Variants in MYO18B observed in about 807,000 individuals in gnomAD.
MYO18B encodes myosin XVIIIB.
Under a neutral mutation model 273.0 loss-of-function variants are expected in MYO18B, and 204 were observed. The observed-to-expected ratio is 0.75, with a 90% CI of 0.67 to 0.84. MYO18B has a LOEUF of 0.84. Among genes scored for constraint, MYO18B ranks in the 40% least tolerant of loss-of-function variants. The probability of loss-of-function intolerance (pLI) is 0.00; values close to 1 mark genes in which losing one functional copy is unlikely to be tolerated. For synonymous variants in MYO18B, 1,330 were observed against 1,305.7 expected, an observed-to-expected ratio of 1.02 and a Z score of -0.40; for missense variants, 3,212 against 3,287.6, an observed-to-expected ratio of 0.98 and a Z score of 0.56.
chr22:25,768,083 C>T, intron 3 of MYO18B, 32 bp from the exon 4 acceptor site: 10 of 1,526,070 alleles, frequency 6.6e-6, no homozygotes, highest in Non-Finnish European at 8.9e-6. Context: ...CAGCAAGCAG[C>T]TATGTAGGCA....
At chr22:26,042,739 A>G in the MYO18B span, among the ~76,000 whole-genome samples, 1 of 152,196 alleles carries the variant, frequency 6.6e-6, no homozygotes, top group Non-Finnish European at 1.5e-5. Flanking sequence ...TCATTCATTT[A>G]TGAATTCACT....
intron 15 of MYO18B, among the ~76,000 whole-genome samples, chr22:25,832,411 A>G (rs2089741416): frequency 6.6e-6 from 1 of 152,210 alleles, no homozygotes; most frequent in Non-Finnish European, 1.5e-5. Flanking sequence ...ATTACGAGAT[A>G]CGCACTTACT....
intron 17 of MYO18B, among the ~76,000 whole-genome samples, chr22:25,841,081 C>T (rs2090068822): frequency 1.3e-5 from 2 of 152,342 alleles, no homozygotes; most frequent in African/African-American, 4.8e-5. Flanking sequence ...CATTTCCTTA[C>T]CTCAGGTACA....
chr22:25,952,316 C>G lies in MYO18B; in HGVS notation c.5863C>G (p.Leu1955Val). ...LQVAQMRIEY[L>V]EQSTVDRAIV... ...GGTGGCTCAGATGCGCATCGAGTAC[C>G]TGGAACAGTCCACCGTGGATCGAGC... Residue 1955 changes from leucine (L) to valine (V), a missense_variant, in exon 38 of 44, where the codon CTG (leucine) becomes GTG (valine). Coordinates refer to ENST00000335473, the MANE Select transcript of MYO18B (RefSeq NM_032608.7). The G allele has an allele frequency of 6.2e-7, 1 of 1,611,364 alleles. No homozygotes were observed. The highest frequency in any genetic ancestry group is 8.5e-7 in the Non-Finnish European group (1 of 1,178,900).
intron 34 of MYO18B, among the ~76,000 whole-genome samples, chr22:25,942,652 AG>A (rs1339552980): frequency 6.6e-6 from 1 of 152,172 alleles, no homozygotes; most frequent in Non-Finnish European, 1.5e-5. Flanking sequence ...CTTTATCAAA[AG>A]GTCCTAATGG....
chr22:25,786,114 C>A (rs963766920), intron 11 of MYO18B, among the ~76,000 whole-genome samples: 1 of 152,290 alleles, frequency 6.6e-6, no homozygotes, highest in South Asian at 2.1e-4. Flanking sequence ...TCCCTTCTCT[C>A]GCAAATACCT....
intron 12 of MYO18B, among the ~76,000 whole-genome samples, chr22:25,805,868 C>T (rs1037698065): frequency 3.3e-5 from 5 of 152,176 alleles, no homozygotes; most frequent in Admixed American, 1.3e-4. Flanking sequence ...GCTCTTGATT[C>T]GAAAGTCACT....
At chr22:25,820,696 A>G (rs1236819402) in intron 12 of MYO18B, among the ~76,000 whole-genome samples, 1 of 152,108 alleles carries the variant, frequency 6.6e-6, no homozygotes, top group Non-Finnish European at 1.5e-5. Context: ...TCCTCCTTCT[A>G]GCTATTTGAA....
intron 3 of MYO18B, among the ~76,000 whole-genome samples, chr22:25,764,933 CAG>C (rs133895): frequency 0.24 from 37,023 of 151,988 alleles, 4,766 homozygotes; most frequent in African/African-American, 0.32. Context: ...CAGATAGAGG[CAG>C]AGCGAGGGGG....
intron 25 of MYO18B, among the ~76,000 whole-genome samples, chr22:25,879,003 A>G (rs997078238): frequency 6.6e-6 from 1 of 152,278 alleles, no homozygotes; most frequent in African/African-American, 2.4e-5. Context: ...GCTTATTAAC[A>G]GAACAGTAGG....
chr22:25,842,179 G>C (rs2145988564), intron 17 of MYO18B, among the ~76,000 whole-genome samples: 1 of 152,330 alleles, frequency 6.6e-6, no homozygotes, highest in South Asian at 2.1e-4. Context: ...TCACACTGCT[G>C]TATTTTGCAG....
At chr22:25,936,606 A>G (rs2092581399) in intron 34 of MYO18B, among the ~76,000 whole-genome samples, 1 of 152,326 alleles carries the variant, frequency 6.6e-6, no homozygotes, top group East Asian at 1.9e-4. Context: ...TTATAAATTA[A>G]CATGTCTTAA....
At position 25,845,930 on chromosome 22, in the gene MYO18B, C is replaced by A. The variant is rs2072010; in HGVS notation, c.3369-170C>A. Among the ~76,000 whole-genome samples the A allele has an allele frequency of 0.23, 35,320 of 152,242 alleles. 4,946 individuals carry two copies. Among genetic ancestry groups the A allele is most frequent in the Admixed American group, 0.31 (4,775 of 15,302 alleles). Reference sequence around the variant, plus strand: ...TGCCATGAAGCAAAGCCTCACCTGGCAGGAGGGGCTGTGAATGAAGGGGAG... The same window carrying A: ...TGCCATGAAGCAAAGCCTCACCTGGAAGGAGGGGCTGTGAATGAAGGGGAG... On this transcript the variant is annotated intron_variant, in intron 18 of 43. Transcript: ENST00000335473.
chr22:25,951,360 T>G (rs1291602287), intron 37 of MYO18B, among the ~76,000 whole-genome samples: 1 of 152,210 alleles, frequency 6.6e-6, no homozygotes, highest in Non-Finnish European at 1.5e-5. Context: ...ACTCACTCAA[T>G]TCCAGTTGTG....
At position 25,921,702 on chromosome 22, in the gene MYO18B, TTG is replaced by T. The variant is rs3070571; in HGVS notation, c.5517+331_5517+332del. 0.048 allele frequency among the ~76,000 whole-genome samples: 6,912 copies of T among 145,502 alleles called. 199 individuals are homozygous for T. The highest frequency in any genetic ancestry group is 0.14 in the South Asian group (632 of 4,430). The stretch of plus-strand genomic sequence containing the variant: ...AGAATGGCTGAGTGCAGTGTGCCTG[TTG>T]TGTGTGTGTGTGTGTGTGTGTGTGT... On this transcript the variant is annotated intron_variant, in intron 34 of 43. Transcript: ENST00000335473.
intron 34 of MYO18B, among the ~76,000 whole-genome samples, chr22:25,929,671 C>T (rs576029537): frequency 1.3e-5 from 2 of 152,152 alleles, no homozygotes; most frequent in Non-Finnish European, 2.9e-5. Flanking sequence ...TTAATTCATG[C>T]TGGGGGCTGT....
At chr22:25,928,796 A>C (rs1430994511) in intron 34 of MYO18B, among the ~76,000 whole-genome samples, 1 of 152,238 alleles carries the variant, frequency 6.6e-6, no homozygotes, top group Admixed American at 6.5e-5. Context: ...CGATAATCTC[A>C]GCTGATTGGG....
intron 13 of MYO18B, among the ~76,000 whole-genome samples, chr22:25,826,206 G>T (rs572213810): frequency 7.2e-5 from 11 of 152,302 alleles, no homozygotes; most frequent in African/African-American, 2.6e-4. Context: ...GTGAAGGTAG[G>T]GCAGGTTACA....
Position 25,898,456 on chromosome 22 carries a change from G to A in MYO18B, c.4818G>A (p.Gln1606=). The change falls in exon 29 of 44, where the codon CAG becomes CAA. Residue 1606 remains glutamine, a synonymous_variant. Coordinates refer to ENST00000335473, the MANE Select transcript of MYO18B (RefSeq NM_032608.7). ...QSRNHELEKK[Q]KKFDLQLAQA... ...GAAACCATGAGCTGGAGAAGAAGCA[G>A]AAGAAGTGAGTTGCATCTCTCACCA... 1 of 1,613,550 alleles carries A rather than the reference G, an allele frequency of 6.2e-7. No individual in the cohort carries two copies. Among genetic ancestry groups the A allele is most frequent in the East Asian group, 2.2e-5 (1 of 44,874 alleles).
Sources: allele counts gnomAD v4.1 joint callset (sites outside exome capture counted in the v4.1 genomes callset), GRCh38; gene constraint gnomAD v4.1.1; transcripts MANE v1.5; gene names NCBI Gene and HGNC (gene_info 2026-07-23, HGNC 2026-07-21).